COBLL1: variants seen among roughly 807,000 people sequenced by gnomAD.
COBLL1 encodes the protein cordon-bleu protein-like 1.
In COBLL1, 50 loss-of-function variants were observed where a neutral mutation model predicts 94.8. The observed-to-expected ratio is 0.53, with a 90% CI of 0.42 to 0.67. The LOEUF (loss-of-function observed/expected upper bound fraction) is 0.67, where lower values mean the gene tolerates loss of function less well. COBLL1 is among the 30% of genes least tolerant of loss of function. The pLI, the probability that COBLL1 is intolerant of heterozygous loss-of-function variation, is 0.00. For synonymous variants in COBLL1, 448 were observed against 473.8 expected, an observed-to-expected ratio of 0.95 and a Z score of 0.71; for missense variants, 1,362 against 1,348.7, an observed-to-expected ratio of 1.01 and a Z score of -0.15.
chr2:164,693,388 C>T (rs2105425380), intron 12 of COBLL1, among the ~76,000 whole-genome samples: 1 of 152,160 alleles, frequency 6.6e-6, no homozygotes, highest in African/African-American at 2.4e-5. Context: ...CATTCTTTTG[C>T]TCTAGGAATG....
rs1462989394 is a variant in COBLL1 at position 164,682,364 on chromosome 2, G to A, written c.*3582C>T. 6.6e-6 allele frequency: 1 copy of A among 152,134 alleles called. No individual in the cohort carries two copies. 9.4% of individuals were successfully genotyped at this position (152,134 alleles called of 1,614,324 possible). A position where few individuals can be genotyped will look rare whatever the true frequency, so the allele number is the denominator to read the frequency against. ...TTAAAAATGATGAGTTTGATTCTTA[G>A]TTCTTTGATACTTATTTTCTCTACT... On this transcript the variant is annotated 3_prime_UTR_variant, in exon 14 of 14. Transcript: ENST00000652658.
At chr2:164,735,739 C>T (rs1686270406) in intron 3 of COBLL1, among the ~76,000 whole-genome samples, 1 of 151,860 alleles carries the variant, frequency 6.6e-6, no homozygotes, top group African/African-American at 2.4e-5. Context: ...GATAACAATT[C>T]TGGTTGGATA....
intron 4 of COBLL1, among the ~76,000 whole-genome samples, chr2:164,729,447 T>C (rs938683240): frequency 2.6e-5 from 4 of 151,706 alleles, no homozygotes; most frequent in Non-Finnish European, 5.9e-5. Flanking sequence ...AGTTAATGTG[T>C]GGCACACATT....
intron 2 of COBLL1, among the ~76,000 whole-genome samples, chr2:164,811,242 T>G (rs1409040047): frequency 6.6e-6 from 1 of 151,938 alleles, no homozygotes; most frequent in Non-Finnish European, 1.5e-5. Context: ...TTTAAAATCT[T>G]TCAGTATCAT....
intron 2 of COBLL1, among the ~76,000 whole-genome samples, chr2:164,759,769 GA>G (rs1202663286): frequency 6.6e-6 from 1 of 152,174 alleles, no homozygotes; most frequent in African/African-American, 2.4e-5. Context: ...CGTTACCAAC[GA>G]GGGTACACGA....
At chr2:164,751,804 T>C (rs998097699) in intron 2 of COBLL1, among the ~76,000 whole-genome samples, 3 of 152,020 alleles carry the variant, frequency 2.0e-5, no homozygotes, top group Non-Finnish European at 4.4e-5. Flanking sequence ...GGTTTTCCTA[T>C]TTGGGGAAGG....
chr2:164,672,330 T>C (rs1320197650), intron 1 of COBLL1, among the ~76,000 whole-genome samples: 1 of 152,206 alleles, frequency 6.6e-6, no homozygotes, highest in African/African-American at 2.4e-5. Flanking sequence ...ATTGTATTTT[T>C]CATAGACAAA....
At chr2:164,695,895 T>TA in intron 11 of COBLL1, 59 bp from the exon 12 acceptor site, 1 of 1,320,238 alleles carries the variant, frequency 7.6e-7, no homozygotes. Context: ...CTCAAGTTTT[T>TA]AATGCCTACT....
rs1046261910 is a variant in COBLL1, at chr2:164,836,212, T to C, written c.41+4944A>G. ...CTAATATCAAAAAATAAGTATAGAC[T>C]TTGTCATATGATGAAAAAAACTGCC... On this transcript the variant is annotated intron_variant, in intron 2 of 13. Coordinates refer to ENST00000652658, the MANE Select transcript of COBLL1 (RefSeq NM_001365672.2). Among the ~76,000 whole-genome samples, 8 of 152,232 alleles carry C rather than the reference T, an allele frequency of 5.3e-5. No individual in the cohort carries two copies. In the East Asian group the frequency reaches 1.3e-3, roughly 26 times the overall value.
At chr2:164,747,493 T>A (rs556809780) in intron 2 of COBLL1, among the ~76,000 whole-genome samples, 63 of 151,694 alleles carry the variant, frequency 4.2e-4, no homozygotes, top group African/African-American at 1.5e-3. Context: ...CACACAGAAC[T>A]TTTTTTTTAA....
chr2:164,841,215 G>T lies in COBLL1; in HGVS notation c.-19C>A. The T allele has an allele frequency of 8.1e-7, 1 of 1,231,324 alleles. No individual in the cohort carries two copies. The highest frequency in any genetic ancestry group is 4.1e-5 in the South Asian group (1 of 24,398). 76.3% of individuals were successfully genotyped at this position (1,231,324 alleles called of 1,614,324 possible). A position where few individuals can be genotyped will look rare whatever the true frequency, so the allele number is the denominator to read the frequency against. ...CGTCCATCGCCCTGCGGGGCGCTGC[G>T]CGGGCTCCAGCTCCCAGGCGGCGCG... On this transcript the variant is annotated 5_prime_UTR_variant, in exon 2 of 14. Coordinates refer to ENST00000652658, the MANE Select transcript of COBLL1 (RefSeq NM_001365672.2). The surrounding 1 kb of genome is among the most constrained non-coding windows in gnomAD (Gnocchi z 5.5).
intron 1 of COBLL1, among the ~76,000 whole-genome samples, chr2:164,666,097 C>T (rs532231041): frequency 6.6e-6 from 1 of 152,048 alleles, no homozygotes; most frequent in Non-Finnish European, 1.5e-5. Flanking sequence ...TGAAACATCA[C>T]TATGTATCCC....
intron 2 of COBLL1, among the ~76,000 whole-genome samples, chr2:164,764,791 C>A (rs1558992931): frequency 6.6e-6 from 1 of 152,054 alleles, no homozygotes; most frequent in Non-Finnish European, 1.5e-5. Flanking sequence ...TGAAACATAA[C>A]ATTTATTTTA....
chr2:164,702,574 A>AAT (rs1558935544), intron 9 of COBLL1, among the ~76,000 whole-genome samples: 7 of 147,088 alleles, frequency 4.8e-5, no homozygotes, highest in South Asian at 4.2e-4. Context: ...AAAAAAAAAA[A>AAT]AAATAATAAT....
At chr2:164,824,450 A>G (rs1685335462) in intron 2 of COBLL1, among the ~76,000 whole-genome samples, 1 of 152,168 alleles carries the variant, frequency 6.6e-6, no homozygotes, top group Admixed American at 6.5e-5. Context: ...ATATATCTGA[A>G]AAAACAATGA....
intron 2 of COBLL1, among the ~76,000 whole-genome samples, chr2:164,664,073 A>G (rs1052364983): frequency 6.6e-6 from 1 of 152,270 alleles, no homozygotes; most frequent in Non-Finnish European, 1.5e-5. Flanking sequence ...GGCTTCACAG[A>G]TGAAGTGACA....
chr2:164,777,710 C>T (rs761116152), intron 2 of COBLL1, among the ~76,000 whole-genome samples: 2 of 152,132 alleles, frequency 1.3e-5, no homozygotes, highest in Non-Finnish European at 2.9e-5. Context: ...ACTTCCTTAA[C>T]ACAGGCATCA....
intron 2 of COBLL1, chr2:164,773,822 TA>T: frequency 8.8e-7 from 1 of 1,135,880 alleles, no homozygotes; most frequent in Non-Finnish European, 1.1e-6. Context: ...CATGTATGTG[TA>T]AGCGCCAGGC....
intron 9 of COBLL1, among the ~76,000 whole-genome samples, chr2:164,702,650 G>GT (rs1684365469): frequency 6.6e-6 from 1 of 151,438 alleles, no homozygotes; most frequent in South Asian, 2.1e-4. Flanking sequence ...ATACAAATGT[G>GT]TTTTTTAATT....
Sources: allele counts gnomAD v4.1 joint callset (sites outside exome capture counted in the v4.1 genomes callset), GRCh38; gene constraint gnomAD v4.1.1; non-coding constraint Gnocchi (gnomAD v3.1); transcripts MANE v1.5; gene names NCBI Gene and HGNC (gene_info 2026-07-23, HGNC 2026-07-21).